MTRFR: variants seen among roughly 807,000 people sequenced by gnomAD.
MTRFR encodes the protein mitochondrial translation release factor in rescue, also known as probable peptide chain release factor C12orf65, mitochondrial.
Under a neutral mutation model 11.9 loss-of-function variants are expected in MTRFR, and 10 were observed. That is an observed-to-expected ratio of 0.84 (90% CI 0.52 to 1.42). The LOEUF (loss-of-function observed/expected upper bound fraction) is 1.42. Among genes scored for constraint, MTRFR ranks in the 40% most tolerant of loss-of-function variants. MTRFR has a pLI of 0.00. For missense variants in MTRFR, 196 were observed against 197.9 expected (o/e 0.99, Z 0.06); for synonymous variants, 77 against 79.1 (o/e 0.97, Z 0.14).
At chr12:123,252,459 G>C (rs1036794968) in intron 1 of MTRFR, 1 of 151,064 alleles carries the variant, frequency 6.6e-6, no homozygotes, top group African/African-American at 2.4e-5. Context: ...TAGTTGACTT[G>C]GTAGTTCCAA....
At chr12:123,234,545 G>A (rs1186860520) in intron 1 of MTRFR, among the ~76,000 whole-genome samples, 1 of 152,000 alleles carries the variant, frequency 6.6e-6, no homozygotes, top group African/African-American at 2.4e-5. Context: ...ACCGGTGCCC[G>A]CCACCACATC....
chr12:123,235,537 T>C (rs2047833461), intron 1 of MTRFR, among the ~76,000 whole-genome samples: 1 of 151,660 alleles, frequency 6.6e-6, no homozygotes. Context: ...GCTAATTTTT[T>C]TTTTTTTTGT....
At chr12:123,235,740 T>G (rs1471757889) in intron 1 of MTRFR, among the ~76,000 whole-genome samples, 1 of 151,898 alleles carries the variant, frequency 6.6e-6, no homozygotes, top group African/African-American at 2.4e-5. Flanking sequence ...TCTTTCCCCC[T>G]TCTCTACTGT....
intron 1 of MTRFR, chr12:123,249,271 C>A (rs116728885): frequency 0.025 from 3,801 of 152,438 alleles, 84 homozygotes; most frequent in Middle Eastern, 0.085. Context: ...TACTGGATCC[C>A]ATGCTGGGGC....
At chr12:123,244,609 A>G (rs1565993869) in intron 1 of MTRFR, among the ~76,000 whole-genome samples, 2 of 152,060 alleles carry the variant, frequency 1.3e-5, no homozygotes, top group Non-Finnish European at 1.5e-5. Flanking sequence ...GAATCAACAA[A>G]GCCCTTTCTA....
At chr12:123,253,119 T>A (rs2048136591) in intron 1 of MTRFR, among the ~76,000 whole-genome samples, 1 of 123,080 alleles carries the variant, frequency 8.1e-6, no homozygotes, top group Non-Finnish European at 1.7e-5. Context: ...AGACACTGTC[T>A]CGCTCTGTTG....
chr12:123,233,517 G>A lies in MTRFR; in HGVS notation c.-43G>A, dbSNP rs1326547953. On this transcript the variant is annotated 5_prime_UTR_variant, in exon 1 of 3. Coordinates refer to ENST00000253233, the MANE Select transcript of MTRFR (RefSeq NM_152269.5). The stretch of plus-strand genomic sequence containing the variant: ...CCCTAGAACGTTGAGGGCACGAGTC[G>A]GGTCCTGAGACCAGGTAAGCATCTG... The A allele has an allele frequency of 6.6e-6, 1 of 152,258 alleles. No homozygotes were observed. 9.4% of individuals were successfully genotyped at this position (152,258 alleles called of 1,614,324 possible).
chr12:123,240,504 C>T (rs936638360), intron 1 of MTRFR: 1 of 151,322 alleles, frequency 6.6e-6, no homozygotes, highest in Admixed American at 6.6e-5. Context: ...GTAAAGCACA[C>T]TGTTTCAGTT....
intron 1 of MTRFR, among the ~76,000 whole-genome samples, chr12:123,245,781 T>C (rs1224131854): frequency 1.3e-5 from 2 of 152,192 alleles, no homozygotes; most frequent in Non-Finnish European, 2.9e-5. Context: ...GTGAATTCTT[T>C]TATCAGTTCT....
At chr12:123,241,447 C>T (rs1339201464) in intron 1 of MTRFR, among the ~76,000 whole-genome samples, 1 of 152,172 alleles carries the variant, frequency 6.6e-6, no homozygotes, top group Non-Finnish European at 1.5e-5. Flanking sequence ...AAGCAATTCT[C>T]CTGCCTCAGT....
At chr12:123,242,153 A>T (rs1482433014) in intron 1 of MTRFR, among the ~76,000 whole-genome samples, 1 of 152,192 alleles carries the variant, frequency 6.6e-6, no homozygotes, top group Non-Finnish European at 1.5e-5. Flanking sequence ...TTATCTCTGA[A>T]CTTAACCAAG....
intron 1 of MTRFR, among the ~76,000 whole-genome samples, chr12:123,239,535 T>C (rs1188070023): frequency 6.6e-6 from 1 of 152,100 alleles, no homozygotes; most frequent in Non-Finnish European, 1.5e-5. Context: ...CCCAAGTAGC[T>C]GGGACTACAG....
upstream of MTRFR, chr12:123,233,406 A>G (rs2047758565): frequency 6.6e-6 from 1 of 152,262 alleles, no homozygotes; most frequent in Admixed American, 6.5e-5. Flanking sequence ...AGCCTCTGGT[A>G]GATAAGAGAA....
intron 1 of MTRFR, chr12:123,243,899 GT>G (rs1427791954): frequency 9.2e-5 from 14 of 152,194 alleles, no homozygotes; most frequent in Non-Finnish European, 1.6e-4. Flanking sequence ...TTCCTCCTCA[GT>G]GGGTATCTAT....
intron 1 of MTRFR, chr12:123,249,180 A>C (rs1011735132): frequency 1.3e-5 from 2 of 152,288 alleles, no homozygotes; most frequent in African/African-American, 4.8e-5. Flanking sequence ...CAAAGTGCTG[A>C]CTGGTGTATT....
At chr12:123,254,020 T>C in intron 2 of MTRFR, 64 bp downstream of exon 2, 1 of 1,590,406 alleles carries the variant, frequency 6.3e-7, no homozygotes, top group Non-Finnish European at 8.6e-7. Flanking sequence ...CTCCAGAGAT[T>C]TCTCCCAAGT....
At chr12:123,236,632 T>A (rs1280804583) in intron 1 of MTRFR, among the ~76,000 whole-genome samples, 1 of 151,934 alleles carries the variant, frequency 6.6e-6, no homozygotes, top group Non-Finnish European at 1.5e-5. Flanking sequence ...TTGGTTTGTA[T>A]ATGTTTAAGT....
chr12:123,255,674 G>T (rs2048175446), intron 2 of MTRFR, among the ~76,000 whole-genome samples: 1 of 152,118 alleles, frequency 6.6e-6, no homozygotes, highest in Non-Finnish European at 1.5e-5. Flanking sequence ...GCCCAGGCTG[G>T]AGTGCAGTGG....
chr12:123,256,855 C>T lies in MTRFR; in HGVS notation c.325C>T (p.Arg109Trp), dbSNP rs372252104. Residue 109 changes from arginine to tryptophan, a missense_variant, in exon 3 of 3, where the codon CGG becomes TGG. Arg to Trp is a moderately radical substitution (Grantham distance 101, BLOSUM62 -3). Coordinates refer to ENST00000253233, the MANE Select transcript of MTRFR (RefSeq NM_152269.5). ...RSVDQNRKLA[R>W]KILQEKVDVF... Reference sequence around the variant, plus strand: ...AGTTGATCAGAACAGAAAGCTAGCTCGGAAAATCCTACAAGAGAAAGTAGA... The same window carrying T: ...AGTTGATCAGAACAGAAAGCTAGCTTGGAAAATCCTACAAGAGAAAGTAGA... 15 of 1,613,550 alleles carry T rather than the reference C, an allele frequency of 9.3e-6. No homozygotes were observed. In the African/African-American group the frequency reaches 1.2e-4, roughly 13 times the overall value.
Sources: allele counts gnomAD v4.1 joint callset (sites outside exome capture counted in the v4.1 genomes callset), GRCh38; gene constraint gnomAD v4.1.1; transcripts MANE v1.5; gene names NCBI Gene and HGNC (gene_info 2026-07-23, HGNC 2026-07-21).